The following CTNNA3 variants were observed in gnomAD, a reference collection of about 807,000 sequenced individuals.
CTNNA3 encodes catenin alpha-3.
CTNNA3 carries 76 observed loss-of-function variants against 95.7 expected under a neutral mutation model. The ratio of observed to expected loss-of-function variants is 0.79; its 90% CI spans 0.66 to 0.96. CTNNA3 has a LOEUF of 0.96. Ranked by LOEUF, CTNNA3 falls within the 40% of genes least tolerant of loss-of-function variation. The pLI is 0.00. For synonymous variants in CTNNA3, 431 were observed against 374.4 expected, an observed-to-expected ratio of 1.15 and a Z score of -1.74; for missense variants, 1,191 against 1,089.8, an observed-to-expected ratio of 1.09 and a Z score of -1.31.
At chr10:66,564,011 C>T (rs774880193) in intron 10 of CTNNA3, among the ~76,000 whole-genome samples, 33 of 152,158 alleles carry the variant, frequency 2.2e-4, no homozygotes, top group African/African-American at 5.5e-4. Context: ...GCTGTACCTC[C>T]ACCACCTTGG....
chr10:65,986,076 G>A (rs990661115), intron 16 of CTNNA3, among the ~76,000 whole-genome samples: 2 of 151,216 alleles, frequency 1.3e-5, no homozygotes, highest in Non-Finnish European at 3.0e-5. Flanking sequence ...TGTCAAAAGT[G>A]TAATAAAACA....
At chr10:67,636,789 C>G (rs1839329722) in intron 2 of CTNNA3, among the ~76,000 whole-genome samples, 1 of 152,138 alleles carries the variant, frequency 6.6e-6, no homozygotes, top group African/African-American at 2.4e-5. Context: ...TCCAACAGAC[C>G]TGCAGCTGAG....
At chr10:67,018,288 G>T (rs554348825) in intron 7 of CTNNA3, among the ~76,000 whole-genome samples, 1 of 152,178 alleles carries the variant, frequency 6.6e-6, no homozygotes, top group African/African-American at 2.4e-5. Flanking sequence ...TGTTTTATGA[G>T]GTAGTTTACT....
At chr10:66,645,011 T>C (rs943873315) in intron 9 of CTNNA3, among the ~76,000 whole-genome samples, 4 of 152,230 alleles carry the variant, frequency 2.6e-5, no homozygotes, top group Admixed American at 2.6e-4. Context: ...AATTATATAG[T>C]ATGTAATCTT....
chr10:66,101,839 A>G (rs1182598445), intron 14 of CTNNA3, among the ~76,000 whole-genome samples: 2 of 152,202 alleles, frequency 1.3e-5, no homozygotes, highest in Admixed American at 6.5e-5. Flanking sequence ...TTTATCTTAT[A>G]TTACATTCTT....
At chr10:66,047,283 G>A (rs1200767340) in intron 15 of CTNNA3, among the ~76,000 whole-genome samples, 1 of 151,710 alleles carries the variant, frequency 6.6e-6, no homozygotes. Flanking sequence ...AATCCACTAT[G>A]ATTAAGTAGG....
chr10:67,125,812 T>A (rs1470216901), intron 7 of CTNNA3, among the ~76,000 whole-genome samples: 2 of 152,118 alleles, frequency 1.3e-5, no homozygotes, highest in African/African-American at 2.4e-5. Flanking sequence ...CTGTTGAGGG[T>A]GATTATGATA....
chr10:66,911,555 A>G (rs1846223919), intron 7 of CTNNA3, among the ~76,000 whole-genome samples: 1 of 152,194 alleles, frequency 6.6e-6, no homozygotes, highest in Admixed American at 6.5e-5. Flanking sequence ...ATTTGACTTC[A>G]AAGAAGACAG....
intron 13 of CTNNA3, among the ~76,000 whole-genome samples, chr10:66,127,843 G>A (rs1181223084): frequency 1.1e-4 from 17 of 152,134 alleles, no homozygotes; most frequent in Non-Finnish European, 1.3e-4. Context: ...TTGGGAGGCC[G>A]AGGCGGGCGA....
At chr10:67,198,842 C>A (rs1863501271) in intron 6 of CTNNA3, among the ~76,000 whole-genome samples, 1 of 152,190 alleles carries the variant, frequency 6.6e-6, no homozygotes, top group Admixed American at 6.5e-5. Flanking sequence ...AAACCAACAT[C>A]ATTCCTTCTG....
At chr10:67,439,442 A>T (rs1185248782) in intron 5 of CTNNA3, among the ~76,000 whole-genome samples, 1 of 152,142 alleles carries the variant, frequency 6.6e-6, no homozygotes, top group Admixed American at 6.5e-5. Flanking sequence ...CACATCTTAC[A>T]TGGCCGGAGC....
At chr10:67,607,670 T>C (rs1175354291) in intron 2 of CTNNA3, among the ~76,000 whole-genome samples, 1 of 152,208 alleles carries the variant, frequency 6.6e-6, no homozygotes, top group African/African-American at 2.4e-5. Context: ...ACATGACTCA[T>C]TTCCAGTGCT....
At position 66,276,163 on chromosome 10, in the gene CTNNA3, A is replaced by G. The variant is rs772935224; in HGVS notation, c.1884+4307T>C. On this transcript the variant is annotated intron_variant, in intron 13 of 17. Coordinates refer to ENST00000433211, the MANE Select transcript of CTNNA3 (RefSeq NM_013266.4). ...TATGTTCCTATTCCCTGATATATAG[A>G]GTTAGAAAACTGACACAGAAAATGC... Among the ~76,000 whole-genome samples, 85 of 152,270 alleles carry G rather than the reference A, an allele frequency of 5.6e-4. 1 individual carries two copies. The highest frequency in any genetic ancestry group is 6.2e-4 in the Non-Finnish European group (42 of 68,010).
chr10:66,568,831 A>G (rs756489708), intron 10 of CTNNA3, among the ~76,000 whole-genome samples: 9 of 151,944 alleles, frequency 5.9e-5, no homozygotes, highest in Non-Finnish European at 1.3e-4. Context: ...GACAATTTAC[A>G]TACATGGGGC....
At chr10:66,764,771 G>A (rs2132779445) in intron 9 of CTNNA3, among the ~76,000 whole-genome samples, 1 of 152,230 alleles carries the variant, frequency 6.6e-6, no homozygotes, top group African/African-American at 2.4e-5. Context: ...GGTGTCTACA[G>A]TTAATAAATC....
chr10:66,050,096 T>A (rs2079915838), intron 15 of CTNNA3, among the ~76,000 whole-genome samples: 1 of 152,194 alleles, frequency 6.6e-6, no homozygotes, highest in Non-Finnish European at 1.5e-5. Flanking sequence ...AGATTCATTT[T>A]CTTCTCTTTT....
intron 5 of CTNNA3, among the ~76,000 whole-genome samples, chr10:67,432,198 T>A (rs1846131172): frequency 6.6e-6 from 1 of 151,590 alleles, no homozygotes; most frequent in Admixed American, 6.6e-5. Flanking sequence ...TAGAAAAAAA[T>A]CAAGTTAAAG....
At chr10:66,311,451 G>A (rs2132260353) in intron 12 of CTNNA3, among the ~76,000 whole-genome samples, 1 of 152,268 alleles carries the variant, frequency 6.6e-6, no homozygotes, top group African/African-American at 2.4e-5. Flanking sequence ...GTCAGTACAG[G>A]AATCAGAAGG....
intron 11 of CTNNA3, among the ~76,000 whole-genome samples, chr10:66,390,479 A>C (rs778638531): frequency 3.3e-5 from 5 of 152,132 alleles, no homozygotes; most frequent in Non-Finnish European, 7.4e-5. Flanking sequence ...AATTTTCTAA[A>C]TTGTCAAGAT....
Sources: allele counts gnomAD v4.1 joint callset (sites outside exome capture counted in the v4.1 genomes callset), GRCh38; gene constraint gnomAD v4.1.1; transcripts MANE v1.5; gene names NCBI Gene and HGNC (gene_info 2026-07-23, HGNC 2026-07-21).